Variants in SCHIP1 observed in about 807,000 individuals in gnomAD.
SCHIP1 encodes the protein schwannomin-interacting protein 1.
A neutral mutation model predicts 29.7 loss-of-function variants in SCHIP1; 8 were observed. The ratio of observed to expected loss-of-function variants is 0.27; its 90% CI spans 0.16 to 0.49. SCHIP1 has a LOEUF of 0.49. Ranked by LOEUF, SCHIP1 falls within the 20% of genes least tolerant of loss-of-function variation. SCHIP1 has a pLI of 0.99. For missense variants in SCHIP1, 193 were observed against 294.6 expected (o/e 0.66, Z 2.52); for synonymous variants, 76 against 94.9 (o/e 0.80, Z 1.16).
chr3:159,593,705 T>TGAAGAAGAA, the SCHIP1 span, among the ~76,000 whole-genome samples: 1 of 151,574 alleles, frequency 6.6e-6, no homozygotes, highest in Non-Finnish European at 1.5e-5. Context: ...AGAAGAGATC[T>TGAAGAAGAA]GAAGAAGAAG....
At chr3:159,697,696 G>T in the SCHIP1 span, among the ~76,000 whole-genome samples, 7 of 151,974 alleles carry the variant, frequency 4.6e-5, no homozygotes, top group Non-Finnish European at 8.8e-5. Context: ...CAACAATTGA[G>T]AAGTAACAAT....
chr3:159,672,962 T>C, the SCHIP1 span, among the ~76,000 whole-genome samples: 2 of 152,140 alleles, frequency 1.3e-5, no homozygotes, highest in African/African-American at 4.8e-5. Context: ...CCCTCCCTAT[T>C]CACACCACAG....
the SCHIP1 span, among the ~76,000 whole-genome samples, chr3:159,292,450 A>G: frequency 2.0e-5 from 3 of 152,154 alleles, no homozygotes; most frequent in African/African-American, 7.2e-5. Context: ...CATTATAATG[A>G]TATGTGTTCT....
At chr3:159,718,946 C>T in the SCHIP1 span, among the ~76,000 whole-genome samples, 1 of 152,170 alleles carries the variant, frequency 6.6e-6, no homozygotes, top group African/African-American at 2.4e-5. Flanking sequence ...GCAAAAAGAA[C>T]AAGGCTGGAG....
At chr3:159,603,465 G>T in the SCHIP1 span, among the ~76,000 whole-genome samples, 1 of 151,526 alleles carries the variant, frequency 6.6e-6, no homozygotes, top group Non-Finnish European at 1.5e-5. Context: ...CTGCCTTGTT[G>T]TTTCCAGTGA....
chr3:159,763,524 C>T, the SCHIP1 span, among the ~76,000 whole-genome samples: 444 of 152,332 alleles, frequency 2.9e-3, 2 homozygotes, highest in African/African-American at 0.01. Flanking sequence ...CCCAGTGCCC[C>T]CTTCTTTTGG....
At chr3:159,437,405 T>G in the SCHIP1 span, among the ~76,000 whole-genome samples, 1 of 152,092 alleles carries the variant, frequency 6.6e-6, no homozygotes, top group East Asian at 1.9e-4. Flanking sequence ...AACCAAGGAT[T>G]TTTGAGTTCT....
the SCHIP1 span, among the ~76,000 whole-genome samples, chr3:159,437,630 C>T: frequency 6.6e-6 from 1 of 151,588 alleles, no homozygotes; most frequent in African/African-American, 2.4e-5. Context: ...CTCCATTCGT[C>T]TTTTAAAAAA....
chr3:159,759,468 C>G, the SCHIP1 span, among the ~76,000 whole-genome samples: 3 of 152,330 alleles, frequency 2.0e-5, no homozygotes, highest in African/African-American at 7.2e-5. Flanking sequence ...AATCCATAGT[C>G]TTCAAGCTGG....
the SCHIP1 span, among the ~76,000 whole-genome samples, chr3:159,429,911 T>C: frequency 1.3e-5 from 2 of 152,304 alleles, no homozygotes; most frequent in Admixed American, 1.3e-4. Flanking sequence ...TGGTTGCTCA[T>C]GAATATCAAT....
the SCHIP1 span, among the ~76,000 whole-genome samples, chr3:159,427,665 G>T: frequency 1.3e-5 from 2 of 151,064 alleles, no homozygotes; most frequent in Admixed American, 1.3e-4. Context: ...AGCTACCAAT[G>T]ACTTTCTTCA....
the SCHIP1 span, among the ~76,000 whole-genome samples, chr3:159,326,491 C>A: frequency 6.6e-6 from 1 of 152,058 alleles, no homozygotes; most frequent in Non-Finnish European, 1.5e-5. Flanking sequence ...TCTCTTTTTG[C>A]ATCTCTGCCC....
At chr3:159,674,911 A>G in the SCHIP1 span, among the ~76,000 whole-genome samples, 1 of 152,182 alleles carries the variant, frequency 6.6e-6, no homozygotes, top group African/African-American at 2.4e-5. Flanking sequence ...AGCAGTATCT[A>G]CGGAGTTTAA....
chr3:159,863,140 G>C (rs1398574537), intron 1 of SCHIP1, among the ~76,000 whole-genome samples: 1 of 152,150 alleles, frequency 6.6e-6, no homozygotes, highest in Non-Finnish European at 1.5e-5. Context: ...AAGAGATTGA[G>C]ACCATCCTGG....
At chr3:159,525,385 CTGAA>C in the SCHIP1 span, among the ~76,000 whole-genome samples, 19 of 152,272 alleles carry the variant, frequency 1.2e-4, no homozygotes, top group Non-Finnish European at 2.2e-4. Flanking sequence ...TAAATATTTG[CTGAA>C]TGAATGAATG....
At chr3:159,715,179 G>T in the SCHIP1 span, among the ~76,000 whole-genome samples, 2 of 152,208 alleles carry the variant, frequency 1.3e-5, no homozygotes, top group Admixed American at 1.3e-4. Flanking sequence ...TGCAGCTGAA[G>T]GTTCTGACTG....
the SCHIP1 span, among the ~76,000 whole-genome samples, chr3:159,610,755 C>T: frequency 2.6e-5 from 4 of 152,072 alleles, no homozygotes. Flanking sequence ...CTCTATTGCT[C>T]TTCAGAGCTT....
the SCHIP1 span, among the ~76,000 whole-genome samples, chr3:159,290,558 A>C: frequency 5.4e-4 from 83 of 152,314 alleles, 3 homozygotes; most frequent in South Asian, 8.1e-3. Context: ...CTCTAAAAAC[A>C]GAAAATTAAT....
the SCHIP1 span, among the ~76,000 whole-genome samples, chr3:159,294,090 C>T: frequency 6.6e-6 from 1 of 152,052 alleles, no homozygotes; most frequent in Admixed American, 6.6e-5. Context: ...GACAAGTTAA[C>T]CACTCTAGGA....
Sources: allele counts gnomAD v4.1 joint callset (sites outside exome capture counted in the v4.1 genomes callset), GRCh38; gene constraint gnomAD v4.1.1; transcripts MANE v1.5; gene names NCBI Gene and HGNC (gene_info 2026-07-23, HGNC 2026-07-21).